PLXNA4: variants seen among roughly 807,000 people sequenced by gnomAD.
PLXNA4 encodes plexin-A4.
PLXNA4 carries 44 observed loss-of-function variants against 191.8 expected under a neutral mutation model. The observed-to-expected ratio is 0.23, with a 90% CI of 0.18 to 0.29. The LOEUF is 0.29. Ranked by LOEUF, PLXNA4 falls within the 10% of genes least tolerant of loss-of-function variation. The pLI is 1.00. For synonymous variants in PLXNA4, 1,082 were observed against 1,009.5 expected (o/e 1.07, Z -1.36); for missense variants, 1,800 against 2,488.8 (o/e 0.72, Z 5.89).
chr7:132,194,303 G>A (rs1357541344), intron 13 of PLXNA4, 124 bp from the exon 14 acceptor site: 1 of 1,419,558 alleles, frequency 7.0e-7, no homozygotes, highest in Non-Finnish European at 9.5e-7. Context: ...GGTAGGGGAG[G>A]AAGGGGAAGA....
At chr7:132,364,620 G>A (rs910936415) in intron 3 of PLXNA4, among the ~76,000 whole-genome samples, 2 of 152,158 alleles carry the variant, frequency 1.3e-5, no homozygotes, top group Admixed American at 6.5e-5. Flanking sequence ...TTTCTGCCTG[G>A]ACTGGACATT....
intron 3 of PLXNA4, among the ~76,000 whole-genome samples, chr7:132,345,761 C>A (rs189726846): frequency 1.3e-5 from 2 of 152,288 alleles, no homozygotes; most frequent in East Asian, 3.9e-4. Context: ...CCCAGCCTCA[C>A]GAAAGAGCCC....
At chr7:132,540,195 T>A (rs1170310221) in intron 1 of PLXNA4, among the ~76,000 whole-genome samples, 2 of 152,260 alleles carry the variant, frequency 1.3e-5, no homozygotes, top group East Asian at 3.9e-4. Context: ...TTCGGAGCTA[T>A]CCAGAGCATG....
At chr7:132,359,158 G>T (rs905074578) in intron 3 of PLXNA4, among the ~76,000 whole-genome samples, 6 of 131,514 alleles carry the variant, frequency 4.6e-5, no homozygotes, top group Non-Finnish European at 8.2e-5. Context: ...GTTTTGTTTT[G>T]TTTTTTTATG....
At chr7:132,174,480 T>C (rs1796390824) in intron 21 of PLXNA4, among the ~76,000 whole-genome samples, 1 of 152,200 alleles carries the variant, frequency 6.6e-6, no homozygotes, top group Non-Finnish European at 1.5e-5. Context: ...GTGTTTCTTG[T>C]TTCTGTGCAT....
intron 3 of PLXNA4, among the ~76,000 whole-genome samples, chr7:132,392,326 T>C (rs1463022067): frequency 2.0e-5 from 3 of 152,206 alleles, no homozygotes; most frequent in Non-Finnish European, 4.4e-5. Flanking sequence ...AAGGGCATCA[T>C]GGAGGGAACA....
Position 132,397,642 on chromosome 7 carries a change from T to C in PLXNA4, c.1371+91650A>G, listed in dbSNP as rs114027937. Among the ~76,000 whole-genome samples the C allele has an allele frequency of 3.6e-3, 541 of 152,322 alleles. 2 individuals carry two copies. The highest frequency in any genetic ancestry group is 0.012 in the African/African-American group (504 of 41,560). On this transcript the variant is annotated intron_variant, in intron 3 of 31. Coordinates refer to ENST00000321063, the MANE Select transcript of PLXNA4 (RefSeq NM_020911.2). The stretch of plus-strand genomic sequence containing the variant: ...TTCTGGCAAAGGATGAAGCAGCTCC[T>C]AGACTGTCAAATGCCCACTGTCTCT...
intron 1 of PLXNA4, among the ~76,000 whole-genome samples, chr7:132,553,974 A>C (rs561717279): frequency 6.6e-6 from 1 of 152,312 alleles, no homozygotes; most frequent in Admixed American, 6.5e-5. Context: ...TACACACTAC[A>C]GTGTATATCA....
At chr7:132,151,430 GA>G (rs1562885208) in intron 25 of PLXNA4, among the ~76,000 whole-genome samples, 11 of 32,684 alleles carry the variant, frequency 3.4e-4, no homozygotes, top group South Asian at 1.2e-3. Context: ...GGAGGAGGAG[GA>G]AGGAGGAGGA....
chr7:132,552,163 T>C (rs1293734104), intron 1 of PLXNA4, among the ~76,000 whole-genome samples: 1 of 152,152 alleles, frequency 6.6e-6, no homozygotes, highest in Non-Finnish European at 1.5e-5. Flanking sequence ...TGAGAGTTAA[T>C]GTGATGAGCA....
At chr7:132,429,606 C>T (rs1795185863) in intron 3 of PLXNA4, among the ~76,000 whole-genome samples, 1 of 152,090 alleles carries the variant, frequency 6.6e-6, no homozygotes, top group South Asian at 2.1e-4. Context: ...TTTTTTCAAC[C>T]ATTTCAAAAC....
intron 25 of PLXNA4, 82 bp from the exon 26 acceptor site, chr7:132,148,728 G>A: frequency 6.3e-7 from 1 of 1,588,004 alleles, no homozygotes; most frequent in Admixed American, 1.7e-5. Flanking sequence ...AGGTACCTAT[G>A]CAGTGCTAGC....
upstream of PLXNA4, among the ~76,000 whole-genome samples, chr7:132,578,607 G>C (rs1802341947): frequency 6.6e-6 from 1 of 152,168 alleles, no homozygotes; most frequent in South Asian, 2.1e-4. Context: ...CAAGCCCCAA[G>C]GTGAGCGGCA....
chr7:132,280,079 T>C lies in PLXNA4; in HGVS notation c.1503+18012A>G, dbSNP rs867605405. 5.3e-5 allele frequency among the ~76,000 whole-genome samples: 8 copies of C among 152,314 alleles called. No homozygotes were observed. The South Asian group carries it at 1.5e-3, about 28-fold the overall frequency. On this transcript the variant is annotated intron_variant, in intron 4 of 31. Coordinates refer to ENST00000321063, the MANE Select transcript of PLXNA4 (RefSeq NM_020911.2). ...TTCTATTCGACTTTATTCTATTCCA[T>C]TAAAAACAAATTCTGGTCATGACCC...
At chr7:132,221,583 C>T (rs944883264) in intron 9 of PLXNA4, among the ~76,000 whole-genome samples, 1 of 152,224 alleles carries the variant, frequency 6.6e-6, no homozygotes, top group Non-Finnish European at 1.5e-5. Flanking sequence ...AGCCTTTTAT[C>T]AAGGACATGC....
At chr7:132,148,079 G>A in intron 26 of PLXNA4, 80 bp from the exon 27 acceptor site, 1 of 1,603,318 alleles carries the variant, frequency 6.2e-7, no homozygotes. Context: ...TGATGAACTT[G>A]GCACTAAGGG....
intron 16 of PLXNA4, 135 bp from the exon 17 acceptor site, chr7:132,182,325 T>G: frequency 7.2e-7 from 1 of 1,390,868 alleles, no homozygotes; most frequent in South Asian, 1.5e-5. Context: ...GGGACAAGGA[T>G]GACAAGCTGA....
intron 1 of PLXNA4, among the ~76,000 whole-genome samples, chr7:132,516,430 A>T (rs1281599397): frequency 6.6e-6 from 1 of 152,240 alleles, no homozygotes; most frequent in African/African-American, 2.4e-5. Flanking sequence ...GAGAACCACC[A>T]TCCTATGCAG....
intron 2 of PLXNA4, among the ~76,000 whole-genome samples, chr7:132,601,340 C>G (rs2116840481): frequency 1.3e-5 from 2 of 152,156 alleles, no homozygotes; most frequent in Admixed American, 1.3e-4. Context: ...GAGAGATTCC[C>G]CCCATTGTTT....
Sources: allele counts gnomAD v4.1 joint callset (sites outside exome capture counted in the v4.1 genomes callset), GRCh38; gene constraint gnomAD v4.1.1; transcripts MANE v1.5; gene names NCBI Gene and HGNC (gene_info 2026-07-23, HGNC 2026-07-21).